The following ATP8A2 variants were observed in gnomAD, a reference collection of about 807,000 sequenced individuals.
The protein encoded by ATP8A2 is ATPase phospholipid transporting 8A2.
In ATP8A2, 100 loss-of-function variants were observed where a neutral mutation model predicts 165.6. The observed-to-expected ratio is 0.60, with a 90% CI of 0.51 to 0.71. The LOEUF (loss-of-function observed/expected upper bound fraction) is 0.71, where lower values mean the gene tolerates loss of function less well. ATP8A2 is among the 30% of genes least tolerant of loss of function. ATP8A2 has a pLI of 0.00. For missense variants in ATP8A2, 1,227 were observed against 1,479.5 expected (o/e 0.83, Z 2.80); for synonymous variants, 543 against 548.8 (o/e 0.99, Z 0.15).
intron 4 of ATP8A2, 51 bp downstream of exon 4, chr13:25,530,711 C>T (rs1566227773): frequency 1.8e-6 from 2 of 1,115,622 alleles, no homozygotes; most frequent in Admixed American, 2.0e-5. Context: ...TAGATAATAA[C>T]TTATGTGTTG....
intron 24 of ATP8A2, among the ~76,000 whole-genome samples, chr13:25,670,520 T>G (rs1305231452): frequency 2.0e-5 from 3 of 152,222 alleles, no homozygotes; most frequent in African/African-American, 7.2e-5. Flanking sequence ...AAAAAATGAT[T>G]ATTTCAGTTT....
chr13:25,591,710 G>A (rs185341145), intron 24 of ATP8A2, among the ~76,000 whole-genome samples: 20 of 151,902 alleles, frequency 1.3e-4, no homozygotes, highest in Non-Finnish European at 2.8e-4. Context: ...AGCCTCCTGA[G>A]TAGCTGGGAT....
chr13:25,963,627 GTTTAT>G (rs993166578), intron 34 of ATP8A2, among the ~76,000 whole-genome samples: 1 of 152,108 alleles, frequency 6.6e-6, no homozygotes, highest in Admixed American at 6.6e-5. Context: ...TTATAAATTA[GTTTAT>G]TTTAATTCAG....
chr13:25,739,529 T>C (rs2043861709), intron 25 of ATP8A2, among the ~76,000 whole-genome samples: 1 of 152,168 alleles, frequency 6.6e-6, no homozygotes, highest in Non-Finnish European at 1.5e-5. Context: ...AGAAATTTTT[T>C]AGCCTGTTCT....
rs966673152 is a variant in ATP8A2 at position 25,845,200 on chromosome 13, C to G, written c.2956+5576C>G. ...TCTGGAAAGCGATGCTAGGTTAGAC[C>G]TAGGATGTCACCTTCACAGGGACCC... On this transcript the variant is annotated intron_variant, in intron 30 of 36. Coordinates refer to ENST00000381655, the MANE Select transcript of ATP8A2 (RefSeq NM_016529.6). Among the ~76,000 whole-genome samples, 4 of 152,284 alleles carry G rather than the reference C, an allele frequency of 2.6e-5. No homozygotes were observed. In the East Asian group the frequency reaches 7.7e-4, roughly 29 times the overall value.
intron 2 of ATP8A2, among the ~76,000 whole-genome samples, chr13:25,493,728 A>G (rs1246252506): frequency 2.0e-5 from 3 of 152,190 alleles, no homozygotes; most frequent in East Asian, 1.9e-4. Context: ...TCAGCCATAC[A>G]TGGAAAAGAT....
chr13:25,770,887 C>T (rs776227554), intron 26 of ATP8A2, among the ~76,000 whole-genome samples: 2 of 152,136 alleles, frequency 1.3e-5, no homozygotes, highest in Admixed American at 1.3e-4. Flanking sequence ...GGCTACACAC[C>T]CCTTCAACCT....
intron 24 of ATP8A2, among the ~76,000 whole-genome samples, chr13:25,669,768 C>T (rs537830945): frequency 4.6e-5 from 7 of 152,238 alleles, no homozygotes; most frequent in East Asian, 3.9e-4. Flanking sequence ...ATCCATTGTC[C>T]GAGGCATAGG....
At chr13:25,734,376 G>A (rs2043721517) in intron 25 of ATP8A2, among the ~76,000 whole-genome samples, 1 of 152,198 alleles carries the variant, frequency 6.6e-6, no homozygotes. Context: ...CCCATCTTCA[G>A]TTTATGTCTG....
At chr13:25,465,284 G>A (rs573867233) in intron 1 of ATP8A2, among the ~76,000 whole-genome samples, 65 of 152,202 alleles carry the variant, frequency 4.3e-4, no homozygotes, top group Non-Finnish European at 8.5e-4. Context: ...TTGAGATGAG[G>A]CCACTGAGGT....
intron 35 of ATP8A2, among the ~76,000 whole-genome samples, chr13:26,001,647 CT>C (rs1402296961): frequency 6.6e-6 from 1 of 152,028 alleles, no homozygotes; most frequent in East Asian, 1.9e-4. Context: ...TCTTCATGTG[CT>C]TTTTGGCTAT....
intron 1 of ATP8A2, among the ~76,000 whole-genome samples, chr13:25,406,532 T>C (rs1188347072): frequency 6.6e-6 from 1 of 152,206 alleles, no homozygotes; most frequent in Non-Finnish European, 1.5e-5. Context: ...CATAGGACTA[T>C]GCATACACTA....
chr13:25,491,135 T>C (rs2036517265), intron 2 of ATP8A2, among the ~76,000 whole-genome samples: 1 of 152,210 alleles, frequency 6.6e-6, no homozygotes. Context: ...TTTATTTTAT[T>C]TACTTTTTCT....
chr13:25,867,797 G>A lies in ATP8A2; in HGVS notation c.3183+5389G>A, dbSNP rs143429284. 5.9e-3 allele frequency: 974 copies of A among 166,338 alleles called. 4 individuals are homozygous for A. The highest frequency in any genetic ancestry group is 1.0e-2 in the Non-Finnish European group (747 of 74,994). The allele number at this position is 166,338 out of a possible 1,614,324, so 10.3% of individuals were successfully genotyped here. A position where few individuals can be genotyped will look rare whatever the true frequency, so the allele number is the denominator to read the frequency against. On this transcript the variant is annotated intron_variant, in intron 33 of 36. Transcript: ENST00000381655. Reference sequence around the variant, plus strand: ...GCTGGCTTTCCCATCTGAACCATGTGGGTGCTGCTGTGATGCTGGGAATGG... The same window carrying A: ...GCTGGCTTTCCCATCTGAACCATGTAGGTGCTGCTGTGATGCTGGGAATGG...
chr13:25,578,950 A>G (rs1200146706), intron 21 of ATP8A2, 51 bp downstream of exon 21: 3 of 1,211,340 alleles, frequency 2.5e-6, no homozygotes, highest in Non-Finnish European at 3.7e-6. Flanking sequence ...TGTACTTTCA[A>G]GCATGTTGTC....
At chr13:25,539,919 G>A (rs79582208) in intron 7 of ATP8A2, among the ~76,000 whole-genome samples, 5,108 of 152,286 alleles carry the variant, frequency 0.034, 108 homozygotes, top group Middle Eastern at 0.068. Context: ...TTCAAAAAAT[G>A]TGTGTTTCTA....
intron 25 of ATP8A2, among the ~76,000 whole-genome samples, chr13:25,749,605 A>G (rs2044112028): frequency 6.6e-6 from 1 of 152,064 alleles, no homozygotes; most frequent in African/African-American, 2.4e-5. Flanking sequence ...CCCTTGAGTG[A>G]GCAGCTACAG....
chr13:25,408,006 C>G (rs1199503584), intron 1 of ATP8A2, among the ~76,000 whole-genome samples: 1 of 152,102 alleles, frequency 6.6e-6, no homozygotes, highest in South Asian at 2.1e-4. Context: ...GTGCAGCAAA[C>G]CACCATGGCA....
intron 35 of ATP8A2, among the ~76,000 whole-genome samples, chr13:25,974,461 T>C (rs184647779): frequency 6.6e-6 from 1 of 151,852 alleles, no homozygotes; most frequent in African/African-American, 2.4e-5. Context: ...CCGTAGTGAA[T>C]GTTGGATGGG....
Sources: allele counts gnomAD v4.1 joint callset (sites outside exome capture counted in the v4.1 genomes callset), GRCh38; gene constraint gnomAD v4.1.1; transcripts MANE v1.5; gene names NCBI Gene and HGNC (gene_info 2026-07-23, HGNC 2026-07-21).